Variants in BRINP1 observed in about 807,000 individuals in gnomAD.
The protein encoded by BRINP1 is BMP/retinoic acid-inducible neural-specific protein 1.
A neutral mutation model predicts 72.9 loss-of-function variants in BRINP1; 17 were observed. The observed-to-expected ratio is 0.23, with a 90% CI of 0.16 to 0.35. The LOEUF (loss-of-function observed/expected upper bound fraction) is 0.35, where lower values mean the gene tolerates loss of function less well. Among genes scored for constraint, BRINP1 ranks in the 10% least tolerant of loss-of-function variants. BRINP1 has a pLI of 1.00. For synonymous variants in BRINP1, 418 were observed against 378.5 expected (o/e 1.10, Z -1.21); for missense variants, 850 against 1,001.6 (o/e 0.85, Z 2.04).
intron 5 of BRINP1, among the ~76,000 whole-genome samples, chr9:119,216,575 A>G (rs556643907): frequency 6.6e-6 from 1 of 152,202 alleles, no homozygotes; most frequent in South Asian, 2.1e-4. Context: ...CTATATCACC[A>G]TTTTCTCTTC....
At chr9:119,268,111 C>T (rs1830567069) in intron 2 of BRINP1, among the ~76,000 whole-genome samples, 1 of 152,088 alleles carries the variant, frequency 6.6e-6, no homozygotes, top group South Asian at 2.1e-4. Flanking sequence ...GGCGTGGTGG[C>T]ACATGCCTGT....
chr9:119,363,922 T>A (rs534899532), intron 1 of BRINP1, among the ~76,000 whole-genome samples: 1 of 152,284 alleles, frequency 6.6e-6, no homozygotes, highest in Non-Finnish European at 1.5e-5. Context: ...GACAGTTCTA[T>A]TTGACAGCTC....
At chr9:119,172,496 A>G (rs932901976) in intron 7 of BRINP1, among the ~76,000 whole-genome samples, 2 of 151,926 alleles carry the variant, frequency 1.3e-5, no homozygotes, top group Admixed American at 6.6e-5. Context: ...TCAATAGCTT[A>G]CCAACCAAAA....
At chr9:119,329,717 C>T (rs1289615810) in intron 1 of BRINP1, among the ~76,000 whole-genome samples, 1 of 152,204 alleles carries the variant, frequency 6.6e-6, no homozygotes, top group Non-Finnish European at 1.5e-5. Context: ...AGAGAGGTAA[C>T]ACCAGTAAAT....
chr9:119,290,254 T>G (rs940746352), intron 2 of BRINP1, among the ~76,000 whole-genome samples: 4 of 152,134 alleles, frequency 2.6e-5, no homozygotes, highest in African/African-American at 9.7e-5. Flanking sequence ...CAATAAACAG[T>G]GGTGAATTAT....
chr9:119,233,944 G>A (rs1830169741), intron 5 of BRINP1, among the ~76,000 whole-genome samples: 1 of 152,082 alleles, frequency 6.6e-6, no homozygotes, highest in Admixed American at 6.6e-5. Context: ...GTGTTTGTAA[G>A]ATTCTTCCAT....
intron 5 of BRINP1, among the ~76,000 whole-genome samples, chr9:119,228,546 G>A (rs1225452753): frequency 3.3e-5 from 5 of 151,864 alleles, no homozygotes; most frequent in Admixed American, 3.3e-4. Flanking sequence ...TGAGAGGAGG[G>A]ACATTTTAAT....
intron 2 of BRINP1, among the ~76,000 whole-genome samples, chr9:119,309,800 G>T (rs1193902160): frequency 6.6e-6 from 1 of 152,160 alleles, no homozygotes; most frequent in Admixed American, 6.5e-5. Context: ...CTGGGTGGAG[G>T]AGGGGGCGTG....
intron 2 of BRINP1, among the ~76,000 whole-genome samples, chr9:119,290,454 A>G (rs376438950): frequency 1.8e-4 from 28 of 152,342 alleles, no homozygotes; most frequent in African/African-American, 6.3e-4. Context: ...CCCCTGACCA[A>G]TGATTGTGCC....
At chr9:119,363,863 G>C (rs539586946) in intron 1 of BRINP1, among the ~76,000 whole-genome samples, 1 of 152,280 alleles carries the variant, frequency 6.6e-6, no homozygotes, top group African/African-American at 2.4e-5. Context: ...ATCATACATG[G>C]TTAGTGGCTA....
intron 1 of BRINP1, among the ~76,000 whole-genome samples, chr9:119,365,780 G>A (rs1163438202): frequency 1.3e-5 from 2 of 152,048 alleles, no homozygotes; most frequent in African/African-American, 4.8e-5. Context: ...AACTCAACGG[G>A]GGCCCAAGAG....
At chr9:119,287,990 A>G (rs1201228581) in intron 2 of BRINP1, among the ~76,000 whole-genome samples, 1 of 152,050 alleles carries the variant, frequency 6.6e-6, no homozygotes, top group Non-Finnish European at 1.5e-5. Flanking sequence ...TGAACTTAAA[A>G]GTTAAAAAAA....
chr9:119,325,111 A>C (rs1201562952), intron 1 of BRINP1, among the ~76,000 whole-genome samples: 1 of 152,128 alleles, frequency 6.6e-6, no homozygotes, highest in Non-Finnish European at 1.5e-5. Context: ...AAGGAAAGAA[A>C]GAAAGAAAGA....
chr9:119,253,962 A>T (rs888234825), intron 2 of BRINP1, among the ~76,000 whole-genome samples: 6 of 152,202 alleles, frequency 3.9e-5, no homozygotes, highest in Non-Finnish European at 7.4e-5. Context: ...CATTACAGGG[A>T]TGTTGGAGCA....
rs533981813 is a variant in BRINP1 at position 119,178,753 on chromosome 9, C to T, written c.1146-10529G>A. Reference sequence around the variant, plus strand: ...AAGTGAGATGACTTGTCTGAGATCACAAAATTTGGTATCTGAATGTGGAGT... The same window carrying T: ...AAGTGAGATGACTTGTCTGAGATCATAAAATTTGGTATCTGAATGTGGAGT... On this transcript the variant is annotated intron_variant, in intron 7 of 7. Transcript: ENST00000265922. Among the ~76,000 whole-genome samples, 26 of 152,228 alleles carry T rather than the reference C, an allele frequency of 1.7e-4. No individual in the cohort carries two copies. The South Asian group carries it at 5.4e-3, about 32-fold the overall frequency.
intron 2 of BRINP1, among the ~76,000 whole-genome samples, chr9:119,249,472 A>G (rs2118921338): frequency 6.6e-6 from 1 of 152,296 alleles, no homozygotes; most frequent in African/African-American, 2.4e-5. Context: ...AAGAAAGAGT[A>G]ATACAAATAA....
rs149493348 is a variant in BRINP1, at chr9:119,208,601, G to A, written c.1145+118C>T. ...AGAAAATTGTTGGTCTGGACCATGC[G>A]AGGTCCTGTTTGCCACCCCACAAAT... is the stretch of plus-strand genomic sequence containing the variant. On this transcript the variant is annotated intron_variant, in intron 7 of 7. Transcript: ENST00000265922. 3,121 of 983,894 alleles carry A rather than the reference G, an allele frequency of 3.2e-3. 52 individuals are homozygous for A. In the East Asian group the frequency reaches 0.037, roughly 12 times the overall value. 60.9% of individuals were successfully genotyped at this position (983,894 alleles called of 1,614,324 possible).
chr9:119,280,342 C>A (rs111288649), intron 2 of BRINP1, among the ~76,000 whole-genome samples: 94 of 151,726 alleles, frequency 6.2e-4, no homozygotes, highest in African/African-American at 2.2e-3. Flanking sequence ...GGGTTCATAC[C>A]ATTCTCCTGC....
chr9:119,242,354 A>G (rs372856202), intron 3 of BRINP1, 138 bp from the exon 4 acceptor site: 123 of 707,914 alleles, frequency 1.7e-4, no homozygotes, highest in African/African-American at 1.7e-3. Context: ...TAAAAATCAA[A>G]GGCACAATGA....
Sources: gnomAD v4.1 joint callset for allele counts (sites outside exome capture counted in the v4.1 genomes callset) on GRCh38, gnomAD v4.1.1 for gene constraint, MANE v1.5 for transcripts, NCBI Gene and HGNC (gene_info 2026-07-23, HGNC 2026-07-21) for gene names.